Variants in AGTPBP1 observed in about 807,000 individuals in gnomAD.
AGTPBP1 encodes cytosolic carboxypeptidase 1.
AGTPBP1 carries 70 observed loss-of-function variants against 143.9 expected under a neutral mutation model. The observed-to-expected ratio is 0.49, with a 90% confidence interval of 0.40 to 0.59. The LOEUF (loss-of-function observed/expected upper bound fraction) is 0.59. Ranked by LOEUF, AGTPBP1 falls within the 20% of genes least tolerant of loss-of-function variation. The pLI is 0.00. For missense variants in AGTPBP1, 1,229 were observed against 1,464.5 expected, an observed-to-expected ratio of 0.84 and a Z score of 2.62; for synonymous variants, 463 against 500.2, an observed-to-expected ratio of 0.93 and a Z score of 0.99.
chr9:85,604,134 T>C (rs1829848313), intron 17 of AGTPBP1, among the ~76,000 whole-genome samples: 1 of 152,074 alleles, frequency 6.6e-6, no homozygotes, highest in Non-Finnish European at 1.5e-5. Context: ...CAGCAGTAGC[T>C]AGGCAGTGGT....
chr9:85,776,240 A>G, the AGTPBP1 span, among the ~76,000 whole-genome samples: 14 of 152,238 alleles, frequency 9.2e-5, no homozygotes, highest in African/African-American at 3.4e-4. Flanking sequence ...TTTTCTTAGT[A>G]CAAGTGTATA....
At chr9:85,585,643 G>C (rs1390728456) in intron 22 of AGTPBP1, 49 bp from the exon 23 acceptor site, 2 of 1,456,922 alleles carry the variant, frequency 1.4e-6, no homozygotes, top group East Asian at 5.1e-5. Context: ...TTCATATGTT[G>C]CTAAGTAAAG....
At chr9:85,777,259 G>A in the AGTPBP1 span, among the ~76,000 whole-genome samples, 193 of 152,322 alleles carry the variant, frequency 1.3e-3, no homozygotes, top group Middle Eastern at 0.02. Flanking sequence ...TGCAGGATAG[G>A]CAAACCCACA....
intron 17 of AGTPBP1, among the ~76,000 whole-genome samples, chr9:85,599,315 T>C (rs7853892): frequency 0.19 from 28,394 of 152,132 alleles, 3,433 homozygotes; most frequent in East Asian, 0.51. Flanking sequence ...TGATGACGGA[T>C]ATACATTTCA....
In AGTPBP1 at chr9:85,739,447, G is replaced by A. The variant is rs912958684; in HGVS notation, c.-34+2328C>T. Among the ~76,000 whole-genome samples, 8 of 151,866 alleles carry A rather than the reference G, an allele frequency of 5.3e-5. No individual in the cohort carries two copies. The East Asian group carries it at 7.7e-4, about 15-fold the overall frequency. ...GGCCAGGACGGGCGTGGTGGCGGAC[G>A]CCTGTAATCCCAGGACTTTGGGAGG... On this transcript the variant is annotated intron_variant, in intron 1 of 25. Coordinates refer to ENST00000357081, the MANE Select transcript of AGTPBP1 (RefSeq NM_001330701.2).
chr9:85,786,067 A>G, the AGTPBP1 span: 7 of 1,400,088 alleles, frequency 5.0e-6, no homozygotes, highest in Admixed American at 4.3e-5. Flanking sequence ...TGAGGAAATA[A>G]TATCTAATTT....
chr9:85,656,756 C>G (rs887321775), intron 10 of AGTPBP1, among the ~76,000 whole-genome samples: 14 of 152,106 alleles, frequency 9.2e-5, no homozygotes, highest in Non-Finnish European at 2.1e-4. Context: ...TTCCAGGTTT[C>G]ATTTTTGTAC....
chr9:85,567,978 A>C (rs917350179), intron 25 of AGTPBP1, among the ~76,000 whole-genome samples: 3 of 152,242 alleles, frequency 2.0e-5, no homozygotes, highest in Non-Finnish European at 4.4e-5. Context: ...TCCTAAACAT[A>C]ATGTACTGAA....
intron 25 of AGTPBP1, among the ~76,000 whole-genome samples, chr9:85,547,568 G>A (rs568095874): frequency 1.3e-5 from 2 of 152,188 alleles, no homozygotes; most frequent in South Asian, 2.1e-4. Context: ...CTCTCATCAG[G>A]TTATTTCTTT....
chr9:85,697,731 C>T (rs892377352), intron 2 of AGTPBP1, among the ~76,000 whole-genome samples: 10 of 152,140 alleles, frequency 6.6e-5, no homozygotes, highest in Admixed American at 2.0e-4. Context: ...GGATTACAGG[C>T]GTGAGCCACT....
At position 85,678,342 on chromosome 9, in the gene AGTPBP1, C is replaced by T. The variant is rs78397127; in HGVS notation, c.282G>A (p.Val94=). 6.3e-7 allele frequency: 1 copy of T among 1,594,494 alleles called. No homozygotes were observed. Among genetic ancestry groups the T allele is most frequent in the Non-Finnish European group, 8.6e-7 (1 of 1,167,566 alleles). ...AAAGAAACAAAAACTTACCAGCTGA[C>T]ACCAGCTCAACAAGAATGCTTAAGA... ...LNILSILVEL[V]SAGGGRRVSF... Residue 94 remains valine (V), a synonymous_variant, in exon 5 of 26, where the codon GTG becomes GTA. Transcript: ENST00000357081.
chr9:85,655,461 T>C, intron 10 of AGTPBP1, 141 bp from the exon 11 acceptor site: 1 of 729,000 alleles, frequency 1.4e-6, no homozygotes, highest in Admixed American at 3.4e-5. Context: ...CACAGAATAA[T>C]TACAAAATAG....
At chr9:85,665,944 A>G (rs1834105335) in intron 8 of AGTPBP1, among the ~76,000 whole-genome samples, 1 of 152,136 alleles carries the variant, frequency 6.6e-6, no homozygotes, top group Admixed American at 6.6e-5. Context: ...GCCAGAGTAA[A>G]TTAATGTTAC....
At chr9:85,796,317 T>G in the AGTPBP1 span, among the ~76,000 whole-genome samples, 1 of 152,228 alleles carries the variant, frequency 6.6e-6, no homozygotes, top group Admixed American at 6.5e-5. Context: ...TTCTTCATAT[T>G]AGGCTGCACA....
At chr9:85,671,280 A>C (rs1236762748) in intron 7 of AGTPBP1, among the ~76,000 whole-genome samples, 1 of 151,984 alleles carries the variant, frequency 6.6e-6, no homozygotes, top group Non-Finnish European at 1.5e-5. Context: ...TTTATTTTTT[A>C]AATCAACTGC....
At position 85,733,115 on chromosome 9, in the gene AGTPBP1, A is replaced by C. The variant is rs140106497; in HGVS notation, c.-34+8660T>G. ...AGTGAAGAGAGAGATGATTTGAACA[A>C]CACAATGAATCAACTAGATCTAACA... On this transcript the variant is annotated intron_variant, in intron 1 of 25. Transcript: ENST00000357081. Among the ~76,000 whole-genome samples, 31 of 152,318 alleles carry C rather than the reference A, an allele frequency of 2.0e-4. No individual in the cohort carries two copies. In the East Asian group the frequency reaches 5.8e-3, roughly 28 times the overall value.
chr9:85,561,354 C>T (rs1826704300), intron 25 of AGTPBP1, among the ~76,000 whole-genome samples: 1 of 150,256 alleles, frequency 6.7e-6, no homozygotes, highest in Admixed American at 6.6e-5. Flanking sequence ...TGCCACTGCA[C>T]TCCAGCCTGG....
chr9:85,765,049 T>G, the AGTPBP1 span: 9 of 580,862 alleles, frequency 1.5e-5, no homozygotes, highest in Admixed American at 2.5e-4. Flanking sequence ...TTTTGTCAGA[T>G]GTAGTGAGTT....
chr9:85,594,117 G>GT (rs1829141625), intron 18 of AGTPBP1, among the ~76,000 whole-genome samples: 1 of 152,140 alleles, frequency 6.6e-6, no homozygotes, highest in African/African-American at 2.4e-5. Flanking sequence ...TCCCTCAAAA[G>GT]TTTAACATTT....
Sources: gnomAD v4.1 joint callset for allele counts (sites outside exome capture counted in the v4.1 genomes callset) on GRCh38, gnomAD v4.1.1 for gene constraint, MANE v1.5 for transcripts, NCBI Gene and HGNC (gene_info 2026-07-23, HGNC 2026-07-21) for gene names.